Variants in LRRC4C observed in about 807,000 individuals in gnomAD.
The protein encoded by LRRC4C is leucine rich repeat containing 4C, also known as leucine-rich repeat-containing protein 4C.
In LRRC4C, 5 loss-of-function variants were observed where a neutral mutation model predicts 33.6. The ratio of observed to expected loss-of-function variants is 0.15; its 90% CI spans 0.08 to 0.31. LRRC4C has a LOEUF of 0.31. Ranked by LOEUF, LRRC4C falls within the 10% of genes least tolerant of loss-of-function variation. The probability of loss-of-function intolerance (pLI) is 1.00; values close to 1 mark genes in which losing one functional copy is unlikely to be tolerated. For synonymous variants in LRRC4C, 329 were observed against 302.0 expected (o/e 1.09, Z -0.93); for missense variants, 560 against 796.7 (o/e 0.70, Z 3.58).
intron 2 of LRRC4C, among the ~76,000 whole-genome samples, chr11:40,928,885 G>C (rs921518642): frequency 6.6e-6 from 1 of 152,046 alleles, no homozygotes; most frequent in African/African-American, 2.4e-5. Context: ...TAATAAGTGT[G>C]CAATTTCTTC....
At chr11:40,427,984 A>G (rs1950779869) in intron 3 of LRRC4C, among the ~76,000 whole-genome samples, 1 of 152,110 alleles carries the variant, frequency 6.6e-6, no homozygotes, top group African/African-American at 2.4e-5. Context: ...TAACAAATAT[A>G]TTATGAGGAG....
chr11:40,848,043 C>A (rs964743157), intron 2 of LRRC4C, among the ~76,000 whole-genome samples: 7 of 150,676 alleles, frequency 4.6e-5, no homozygotes, highest in Non-Finnish European at 8.9e-5. Context: ...ATTCTTCTCT[C>A]TTTTCTTCGT....
rs932068585 is a variant in LRRC4C at position 40,523,449 on chromosome 11, C to A, written c.-270+124693G>T. On this transcript the variant is annotated intron_variant, in intron 3 of 6. Coordinates refer to ENST00000528697, the MANE Select transcript of LRRC4C (RefSeq NM_001258419.2). ...AATCTCTTATAAGATATATTATTTG[C>A]AAATATTTTTTACCATCCTGCAGTC... Among the ~76,000 whole-genome samples the A allele has an allele frequency of 3.3e-5, 5 of 150,996 alleles. No homozygotes were observed. The South Asian group carries it at 1.0e-3, about 31-fold the overall frequency.
At chr11:41,092,299 G>A (rs987268610) in intron 1 of LRRC4C, among the ~76,000 whole-genome samples, 5 of 152,046 alleles carry the variant, frequency 3.3e-5, no homozygotes, top group Non-Finnish European at 5.9e-5. Flanking sequence ...GGAAGTAGAC[G>A]ATGAGAAAGT....
intron 3 of LRRC4C, among the ~76,000 whole-genome samples, chr11:40,607,757 G>A (rs1960776433): frequency 6.6e-6 from 1 of 152,120 alleles, no homozygotes; most frequent in Admixed American, 6.6e-5. Flanking sequence ...TGATGAGGCA[G>A]AATGTCTAAT....
chr11:40,716,960 A>G (rs912117960), intron 2 of LRRC4C, among the ~76,000 whole-genome samples: 3 of 152,170 alleles, frequency 2.0e-5, no homozygotes, highest in Non-Finnish European at 4.4e-5. Context: ...GTTGCTGCCA[A>G]TCATACTGAG....
intron 1 of LRRC4C, among the ~76,000 whole-genome samples, chr11:41,330,375 G>A (rs1466617140): frequency 6.6e-6 from 1 of 151,946 alleles, no homozygotes; most frequent in African/African-American, 2.4e-5. Context: ...TATTATCAAT[G>A]AGTCTAAATT....
chr11:40,347,800 G>A (rs978949338), intron 3 of LRRC4C, among the ~76,000 whole-genome samples: 1 of 152,110 alleles, frequency 6.6e-6, no homozygotes. Flanking sequence ...TAGAGATGGG[G>A]TTTCTCCATG....
intron 3 of LRRC4C, among the ~76,000 whole-genome samples, chr11:40,620,909 G>C (rs1446074915): frequency 6.6e-6 from 1 of 151,718 alleles, no homozygotes; most frequent in African/African-American, 2.4e-5. Context: ...ATTCACAGCT[G>C]TCTTTCAGAG....
intron 2 of LRRC4C, among the ~76,000 whole-genome samples, chr11:40,894,484 T>C (rs1955851682): frequency 6.6e-6 from 1 of 152,170 alleles, no homozygotes; most frequent in Admixed American, 6.5e-5. Context: ...ATTATTTATT[T>C]TTCTGAATAG....
At chr11:41,113,599 C>A (rs1308395742) in intron 1 of LRRC4C, among the ~76,000 whole-genome samples, 2 of 152,016 alleles carry the variant, frequency 1.3e-5, no homozygotes, top group Non-Finnish European at 2.9e-5. Flanking sequence ...ATAATAAAAT[C>A]TTGTCCAGCA....
At chr11:41,453,285 A>C (rs1007173530) in intron 1 of LRRC4C, among the ~76,000 whole-genome samples, 3 of 152,146 alleles carry the variant, frequency 2.0e-5, no homozygotes, top group Non-Finnish European at 4.4e-5. Context: ...TTAAATAGAG[A>C]TCTGCCTCAA....
chr11:40,595,249 C>A (rs1292886947), intron 3 of LRRC4C, among the ~76,000 whole-genome samples: 1 of 150,300 alleles, frequency 6.7e-6, no homozygotes, highest in African/African-American at 2.4e-5. Context: ...TAGAGATCTG[C>A]AAAAAAAAAT....
intron 3 of LRRC4C, among the ~76,000 whole-genome samples, chr11:40,606,585 A>T (rs975758472): frequency 2.0e-5 from 3 of 152,174 alleles, no homozygotes; most frequent in Non-Finnish European, 4.4e-5. Context: ...AGAGGTATGT[A>T]AAGTACATGA....
chr11:40,767,172 G>A (rs12575443), intron 2 of LRRC4C, among the ~76,000 whole-genome samples: 17,048 of 151,840 alleles, frequency 0.11, 1,349 homozygotes, highest in East Asian at 0.41. Flanking sequence ...AAAATAGCAG[G>A]AGTAGCTATA....
intron 1 of LRRC4C, among the ~76,000 whole-genome samples, chr11:41,229,139 T>C (rs1402682198): frequency 6.6e-6 from 1 of 152,074 alleles, no homozygotes; most frequent in Non-Finnish European, 1.5e-5. Flanking sequence ...CTCCCTAAAA[T>C]TCATATGTTG....
At chr11:41,340,066 T>G (rs1951579153) in intron 1 of LRRC4C, among the ~76,000 whole-genome samples, 1 of 152,154 alleles carries the variant, frequency 6.6e-6, no homozygotes, top group Admixed American at 6.5e-5. Context: ...ATTATTGTAG[T>G]CAGTGTTTTG....
chr11:40,603,941 G>C (rs1472081295), intron 3 of LRRC4C, among the ~76,000 whole-genome samples: 2 of 152,144 alleles, frequency 1.3e-5, no homozygotes, highest in East Asian at 3.9e-4. Context: ...TCACTGAAGT[G>C]CTAAAAGTTG....
intron 2 of LRRC4C, among the ~76,000 whole-genome samples, chr11:40,806,076 A>G (rs960667450): frequency 2.6e-5 from 4 of 152,174 alleles, no homozygotes; most frequent in Non-Finnish European, 5.9e-5. Flanking sequence ...CTAAATGCAT[A>G]CACTGAAACC....
Sources: gnomAD v4.1 joint callset for allele counts (sites outside exome capture counted in the v4.1 genomes callset) on GRCh38, gnomAD v4.1.1 for gene constraint, MANE v1.5 for transcripts, NCBI Gene and HGNC (gene_info 2026-07-23, HGNC 2026-07-21) for gene names.